The following LGI3 variants were observed in gnomAD, a reference collection of about 807,000 sequenced individuals.
LGI3 encodes leucine rich repeat LGI family member 3, also known as leucine-rich repeat LGI family member 3.
A neutral mutation model predicts 55.4 loss-of-function variants in LGI3; 47 were observed. The ratio of observed to expected loss-of-function variants is 0.85; its 90% CI spans 0.67 to 1.08. LGI3 has a LOEUF of 1.08. Ranked by LOEUF, LGI3 falls within the 50% of genes least tolerant of loss-of-function variation. The pLI is 0.00. For missense variants in LGI3, 664 were observed against 726.3 expected, an observed-to-expected ratio of 0.91 and a Z score of 0.99; for synonymous variants, 326 against 315.0, an observed-to-expected ratio of 1.04 and a Z score of -0.37.
chr8:22,152,486 G>A (rs1460387075), intron 5 of LGI3, among the ~76,000 whole-genome samples: 2 of 152,194 alleles, frequency 1.3e-5, no homozygotes, highest in Non-Finnish European at 2.9e-5. Flanking sequence ...GCTCACACCT[G>A]TAATCCCAAC....
At chr8:22,152,351 C>A (rs73670359) in intron 5 of LGI3, among the ~76,000 whole-genome samples, 6,388 of 152,258 alleles carry the variant, frequency 0.042, 431 homozygotes, top group African/African-American at 0.15. Flanking sequence ...GAGTGTGGCT[C>A]TGCTATATAC....
chr8:22,154,217 G>T lies in LGI3; in HGVS notation c.351-4C>A. ...GATGTCATTGTTCTCAATGAAGCTG[G>T]GGAAAGCGGGAACTTGCCTCAGTGC... On this transcript the variant is annotated splice_region_variant and splice_polypyrimidine_tract_variant and intron_variant, in intron 3 of 7. Transcript: ENST00000306317. The T allele has an allele frequency of 6.2e-7, 1 of 1,613,512 alleles. No homozygotes were observed. Among genetic ancestry groups the T allele is most frequent in the Non-Finnish European group, 8.5e-7 (1 of 1,179,636 alleles).
Position 22,153,985 on chromosome 8 carries a change from C to G in LGI3, c.477G>C (p.Leu159=). ...QTLPRDIFRP[L]DILNDLDLRG... Reference sequence around the variant, plus strand: ...GGCCTTACAAGTCATTCAGGATGTCCAGGGGCCGGAAGATGTCTCTGGGCA... The same window carrying G: ...GGCCTTACAAGTCATTCAGGATGTCGAGGGGCCGGAAGATGTCTCTGGGCA... Residue 159 remains leucine (L), a synonymous_variant, in exon 5 of 8, where the codon CTG becomes CTC. Transcript: ENST00000306317. The G allele has an allele frequency of 6.2e-7, 1 of 1,614,072 alleles. No individual in the cohort carries two copies. The highest frequency in any genetic ancestry group is 8.5e-7 in the Non-Finnish European group (1 of 1,180,028).
At chr8:22,151,327 G>A (rs143649939) in intron 7 of LGI3, among the ~76,000 whole-genome samples, 162 bp downstream of exon 7, 27 of 152,192 alleles carry the variant, frequency 1.8e-4, no homozygotes, top group African/African-American at 5.1e-4. Context: ...GGATGTTATC[G>A]GTGTATACAT....
In LGI3 at chr8:22,148,657, C is replaced by T. The variant is rs149352514; in HGVS notation, c.1150G>A (p.Gly384Ser). ...ACAATCAGCCGTGGCTTGCCCTCGC[C>T]GTCCACAAACTCCAGGTCGGTGTCA... Reference protein sequence around the residue: ...HRDTDLEFVDGEGKPRLIVSS... With the variant: ...HRDTDLEFVDSEGKPRLIVSS... The change falls in exon 8 of 8, where the codon GGC becomes AGC. Residue 384 changes from glycine (G) to serine (S), a missense_variant. Coordinates refer to ENST00000306317, the MANE Select transcript of LGI3 (RefSeq NM_139278.4). The surrounding 1 kb of genome is among the most constrained non-coding windows in gnomAD (Gnocchi z 7.0). The T allele has an allele frequency of 2.7e-3, 4,395 of 1,614,014 alleles. 146 individuals carry two copies. The Admixed American group carries it at 0.066, about 24-fold the overall frequency.
In LGI3 at chr8:22,154,208, A is replaced by G. The variant is rs140646659; in HGVS notation, c.356T>C (p.Ile119Thr). 43 of 1,613,736 alleles carry G rather than the reference A, an allele frequency of 2.7e-5. No homozygotes were observed. The Admixed American group carries it at 3.3e-4, about 13-fold the overall frequency. Residue 119 changes from isoleucine to threonine, a missense_variant, in exon 4 of 8, where the codon ATT (isoleucine) becomes ACT (threonine). Ile to Thr is a moderately conservative substitution (Grantham distance 89, BLOSUM62 -1). Transcript: ENST00000306317. The stretch of plus-strand genomic sequence containing the variant: ...TAGTGCCCAGATGTCATTGTTCTCA[A>G]TGAAGCTGGGGAAAGCGGGAACTTG... ...TGLSHLQYLFIENNDIWALSK... is the reference protein window; with the variant it reads ...TGLSHLQYLFTENNDIWALSK...
intron 2 of LGI3, chr8:22,155,124 T>C: frequency 1.9e-6 from 1 of 523,076 alleles, no homozygotes; most frequent in African/African-American, 1.9e-5. Flanking sequence ...CCCAATTCTC[T>C]GGGGTTTCCA....
At chr8:22,156,182 G>T (rs551672543) in intron 1 of LGI3, among the ~76,000 whole-genome samples, 155 bp downstream of exon 1, 1 of 152,152 alleles carries the variant, frequency 6.6e-6, no homozygotes, top group African/African-American at 2.4e-5. Context: ...CTCCCTGCCC[G>T]ACTGGTGCCT....
Position 22,154,317 on chromosome 8 carries a change from AG to A in LGI3, c.351-105del, listed in dbSNP as rs1827458375. On this transcript the variant is annotated intron_variant, in intron 3 of 7. Coordinates refer to ENST00000306317, the MANE Select transcript of LGI3 (RefSeq NM_139278.4). The stretch of plus-strand genomic sequence containing the variant: ...AGATTTCAGCCCGTGTCCCCGAGAC[AG>A]GTTTCCAAATGGAGTCTGGCATCAC... 6 of 1,010,752 alleles carry A rather than the reference AG, an allele frequency of 5.9e-6. No individual in the cohort carries two copies. The South Asian group carries it at 7.9e-5, about 13-fold the overall frequency. The allele number at this position is 1,010,752 out of a possible 1,614,324, so 62.6% of individuals were successfully genotyped here. A position where few individuals can be genotyped will look rare whatever the true frequency, so the allele number is the denominator to read the frequency against.
At position 22,154,622 on chromosome 8, in the gene LGI3, G is replaced by C; in HGVS notation, c.288C>G (p.Asn96Lys). Residue 96 changes from asparagine to lysine, a missense_variant, in exon 3 of 8, where the codon AAC (asparagine) becomes AAG (lysine). Asn to Lys is a moderately conservative substitution (Grantham distance 94). Transcript: ENST00000306317. Reference protein sequence around the residue: ...HLPLLQFLLLNSNKFTLIGDN... With the variant: ...HLPLLQFLLLKSNKFTLIGDN... Reference sequence around the variant, plus strand: ...CTCCAATCAGTGTAAACTTGTTGGAGTTGAGTAACCTGCAGAGACAAAGGT... The same window carrying C: ...CTCCAATCAGTGTAAACTTGTTGGACTTGAGTAACCTGCAGAGACAAAGGT... 6.2e-7 allele frequency: 1 copy of C among 1,613,564 alleles called. No homozygotes were observed. The highest frequency in any genetic ancestry group is 8.5e-7 in the Non-Finnish European group (1 of 1,179,520).
At chr8:22,153,400 ACGGTGGCTCAGCACATTTTTGGCTGAGCG>A (rs754474630) in intron 5 of LGI3, among the ~76,000 whole-genome samples, 19 of 148,544 alleles carry the variant, frequency 1.3e-4, no homozygotes, top group Admixed American at 3.3e-4. Flanking sequence ...TTGGCTGAGC[ACGGTGGCTCAGCACATTTTTGGCTGAGCG>A]CGGTGGCTCA....
In LGI3 at chr8:22,148,399, G is replaced by C; in HGVS notation, c.1408C>G (p.Leu470Val). The change falls in exon 8 of 8, where the codon CTG becomes GTG. Residue 470 changes from leucine (L) to valine (V), a missense_variant. By Grantham distance (32) the Leu-to-Val change is conservative (BLOSUM62 1). Coordinates refer to ENST00000306317, the MANE Select transcript of LGI3 (RefSeq NM_139278.4). The surrounding 1 kb of genome is among the most constrained non-coding windows in gnomAD (Gnocchi z 7.0). ...QALPSRGSLALQPFLVGGRRY... is the reference protein window; with the variant it reads ...QALPSRGSLAVQPFLVGGRRY... ...CGGCCACCCACAAGGAAGGGCTGCAGGGCCAGCGAGCCCCGGGAGGGCAGG... is the reference window on the plus strand; with the variant it reads ...CGGCCACCCACAAGGAAGGGCTGCACGGCCAGCGAGCCCCGGGAGGGCAGG... 6.2e-7 allele frequency: 1 copy of C among 1,612,968 alleles called. No homozygotes were observed. Among genetic ancestry groups the C allele is most frequent in the Non-Finnish European group, 8.5e-7 (1 of 1,179,858 alleles).
At position 22,156,213 on chromosome 8, in the gene LGI3, C is replaced by T. The variant is rs1827494954; in HGVS notation, c.206+124G>A. On this transcript the variant is annotated intron_variant, in intron 1 of 7. Transcript: ENST00000306317. The stretch of plus-strand genomic sequence containing the variant: ...TGCCTGGAATCTCCAGCCCTGAGGA[C>T]CCCTGCAGTCCCCCTGGTCCCCGCA... The T allele has an allele frequency of 2.9e-6, 3 of 1,038,450 alleles. No homozygotes were observed. In the South Asian group the frequency reaches 4.3e-5, roughly 15 times the overall value. The allele number at this position is 1,038,450 out of a possible 1,614,324, so 64.3% of individuals were successfully genotyped here.
intron 7 of LGI3, among the ~76,000 whole-genome samples, chr8:22,149,890 T>A (rs1169726497): frequency 6.6e-6 from 1 of 152,060 alleles, no homozygotes; most frequent in African/African-American, 2.4e-5. Context: ...ACACCCCAGC[T>A]CCTGATCTTC....
chr8:22,151,791 G>A, intron 6 of LGI3, 40 bp downstream of exon 6: 2 of 1,582,570 alleles, frequency 1.3e-6, no homozygotes, highest in Non-Finnish European at 1.7e-6. Flanking sequence ...CTGCCTTGGG[G>A]TAGGCGTGGA....
rs1437364365 is a variant in LGI3, at chr8:22,147,173, CGCCCA to C, written c.*982_*986del. ...AGCTCTCTAATCCACCCAAGGAGCC[CGCCCA>C]GCTCAAGGGCCACATCCCAAAGACA... On this transcript the variant is annotated 3_prime_UTR_variant, in exon 8 of 8. Coordinates refer to ENST00000306317, the MANE Select transcript of LGI3 (RefSeq NM_139278.4). The C allele has an allele frequency of 6.6e-6, 1 of 152,382 alleles. No individual in the cohort carries two copies. The highest frequency in any genetic ancestry group is 2.4e-5 in the African/African-American group (1 of 41,454). 9.4% of individuals were successfully genotyped at this position (152,382 alleles called of 1,614,324 possible). A position where few individuals can be genotyped will look rare whatever the true frequency, so the allele number is the denominator to read the frequency against.
chr8:22,147,878 A>G lies in LGI3; in HGVS notation c.*282T>C, dbSNP rs1336734204. The G allele has an allele frequency of 7.1e-6, 3 of 425,016 alleles. No homozygotes were observed. The highest frequency in any genetic ancestry group is 8.4e-5 in the Admixed American group (2 of 23,812). 26.3% of individuals were successfully genotyped at this position (425,016 alleles called of 1,614,324 possible). On this transcript the variant is annotated 3_prime_UTR_variant, in exon 8 of 8. Transcript: ENST00000306317. Reference sequence around the variant, plus strand: ...CACTCGTGCATGAGACAGGGGGCAGAGCATGGGAAAGGCTGCAGAGTAGGG... The same window carrying G: ...CACTCGTGCATGAGACAGGGGGCAGGGCATGGGAAAGGCTGCAGAGTAGGG...
chr8:22,154,380 CA>C, intron 3 of LGI3, 167 bp from the exon 4 acceptor site: 1 of 779,194 alleles, frequency 1.3e-6, no homozygotes, highest in Non-Finnish European at 2.2e-6. Context: ...AGGGTAGAGG[CA>C]AAATGAATGA....
In LGI3 at chr8:22,146,917, C is replaced by G. The variant is rs1002015677; in HGVS notation, c.*1243G>C. ...GTATCCTGCTACAAGGAGCATCACA[C>G]CATTTGGGCACATGGTGTGCCCTCT... On this transcript the variant is annotated 3_prime_UTR_variant, in exon 8 of 8. Coordinates refer to ENST00000306317, the MANE Select transcript of LGI3 (RefSeq NM_139278.4). 6.6e-6 allele frequency: 1 copy of G among 152,242 alleles called. No homozygotes were observed. Among genetic ancestry groups the G allele is most frequent in the African/African-American group, 2.4e-5 (1 of 41,464 alleles). 9.4% of individuals were successfully genotyped at this position (152,242 alleles called of 1,614,324 possible). A position where few individuals can be genotyped will look rare whatever the true frequency, so the allele number is the denominator to read the frequency against.
Sources: allele counts gnomAD v4.1 joint callset (sites outside exome capture counted in the v4.1 genomes callset), GRCh38; gene constraint gnomAD v4.1.1; non-coding constraint Gnocchi (gnomAD v3.1); transcripts MANE v1.5; gene names NCBI Gene and HGNC (gene_info 2026-07-23, HGNC 2026-07-21).